VAT1L: variants seen among roughly 807,000 people sequenced by gnomAD.
VAT1L encodes the protein putative NADPH-dependent quinone oxidoreductase VAT1L.
In VAT1L, 34 loss-of-function variants were observed where a neutral mutation model predicts 44.1. The observed-to-expected ratio is 0.77, with a 90% CI of 0.59 to 1.03. VAT1L has a LOEUF of 1.03. VAT1L is among the 50% of genes least tolerant of loss of function. The pLI, the probability that VAT1L is intolerant of heterozygous loss-of-function variation, is 0.00. For missense variants in VAT1L, 615 were observed against 538.8 expected, an observed-to-expected ratio of 1.14 and a Z score of -1.40; for synonymous variants, 253 against 202.2, an observed-to-expected ratio of 1.25 and a Z score of -2.13.
intron 1 of VAT1L, chr16:77,799,918 G>A (rs2016016596): frequency 6.6e-6 from 1 of 152,074 alleles, no homozygotes; most frequent in Non-Finnish European, 1.5e-5. Flanking sequence ...TTCACAGTAG[G>A]CACTCAATAA....
intron 7 of VAT1L, among the ~76,000 whole-genome samples, chr16:77,953,121 C>G (rs1033202051): frequency 7.2e-5 from 11 of 152,230 alleles, no homozygotes; most frequent in Admixed American, 7.2e-4. Flanking sequence ...AGTGATGTGT[C>G]TCCAAGCCAA....
At chr16:77,792,396 G>C (rs1246923481) in intron 1 of VAT1L, among the ~76,000 whole-genome samples, 2 of 152,096 alleles carry the variant, frequency 1.3e-5, no homozygotes, top group African/African-American at 4.8e-5. Context: ...ACCTGACGCA[G>C]GGATCCTTTT....
intron 7 of VAT1L, among the ~76,000 whole-genome samples, chr16:77,916,638 T>C (rs2017555068): frequency 1.3e-5 from 2 of 152,184 alleles, no homozygotes; most frequent in Non-Finnish European, 2.9e-5. Flanking sequence ...AAAATATACA[T>C]AAGAGCGTTT....
chr16:77,828,359 G>A (rs1567480058), intron 3 of VAT1L, among the ~76,000 whole-genome samples: 1 of 152,210 alleles, frequency 6.6e-6, no homozygotes, highest in Non-Finnish European at 1.5e-5. Context: ...GTCATCACAA[G>A]AGTCCTTAAA....
intron 7 of VAT1L, among the ~76,000 whole-genome samples, chr16:77,913,787 A>C (rs1375086768): frequency 1.3e-5 from 2 of 152,220 alleles, no homozygotes; most frequent in East Asian, 3.8e-4. Flanking sequence ...AGATATAAAC[A>C]GTAAGTTTAA....
intron 3 of VAT1L, among the ~76,000 whole-genome samples, chr16:77,857,833 T>C (rs5022247): frequency 0.25 from 36,800 of 145,794 alleles, 4,829 homozygotes; most frequent in East Asian, 0.45. Flanking sequence ...ATATTATCTC[T>C]CTCTTTTTTT....
At chr16:77,866,473 T>C (rs1173841435) in intron 4 of VAT1L, among the ~76,000 whole-genome samples, 1 of 152,034 alleles carries the variant, frequency 6.6e-6, no homozygotes, top group Admixed American at 6.5e-5. Flanking sequence ...TTGTACAAAT[T>C]CTCGGTGCAT....
At chr16:77,843,383 T>A (rs1004829579) in intron 3 of VAT1L, among the ~76,000 whole-genome samples, 1 of 152,040 alleles carries the variant, frequency 6.6e-6, no homozygotes, top group East Asian at 1.9e-4. Flanking sequence ...CTCCCAGATC[T>A]CCAGAGCCCC....
chr16:77,863,578 C>T (rs1190487172), intron 4 of VAT1L, among the ~76,000 whole-genome samples: 1 of 152,074 alleles, frequency 6.6e-6, no homozygotes, highest in African/African-American at 2.4e-5. Context: ...GAAGCATGAG[C>T]CAGAATTATC....
intron 4 of VAT1L, among the ~76,000 whole-genome samples, chr16:77,864,197 G>T (rs776446249): frequency 6.6e-6 from 1 of 152,188 alleles, no homozygotes. Flanking sequence ...CAGAGCTTCC[G>T]AGAGGATTCA....
chr16:77,896,132 T>A (rs1416505004), intron 7 of VAT1L, among the ~76,000 whole-genome samples: 1 of 152,226 alleles, frequency 6.6e-6, no homozygotes, highest in Non-Finnish European at 1.5e-5. Flanking sequence ...TACCCATCCC[T>A]CTGGCCTTAC....
chr16:77,972,351 C>G (rs1282397655), intron 8 of VAT1L, among the ~76,000 whole-genome samples: 1 of 152,074 alleles, frequency 6.6e-6, no homozygotes, highest in East Asian at 1.9e-4. Context: ...GAGTCTTAAA[C>G]TCTGTCACCC....
At chr16:77,894,574 G>A (rs2017301462) in intron 7 of VAT1L, among the ~76,000 whole-genome samples, 1 of 152,078 alleles carries the variant, frequency 6.6e-6, no homozygotes, top group South Asian at 2.1e-4. Flanking sequence ...GAATGGAGAG[G>A]AACTGCTGAT....
intron 4 of VAT1L, among the ~76,000 whole-genome samples, chr16:77,864,626 T>C (rs541411049): frequency 6.6e-6 from 1 of 152,246 alleles, no homozygotes; most frequent in East Asian, 1.9e-4. Flanking sequence ...AACAATTTTC[T>C]TCAAATCACA....
At chr16:77,810,860 G>T (rs557087727) in intron 1 of VAT1L, among the ~76,000 whole-genome samples, 3 of 152,148 alleles carry the variant, frequency 2.0e-5, no homozygotes, top group African/African-American at 4.8e-5. Flanking sequence ...AATATATATT[G>T]TAGCAAATTA....
intron 2 of VAT1L, among the ~76,000 whole-genome samples, chr16:77,819,041 G>T (rs912041523): frequency 1.3e-5 from 2 of 152,098 alleles, no homozygotes; most frequent in East Asian, 3.9e-4. Context: ...AGATGAAGTG[G>T]TTATGTTTTA....
chr16:77,846,227 A>G (rs2016756867), intron 3 of VAT1L, among the ~76,000 whole-genome samples: 1 of 152,210 alleles, frequency 6.6e-6, no homozygotes, highest in Non-Finnish European at 1.5e-5. Flanking sequence ...ATGTAGACAC[A>G]GTTTCATTAC....
At chr16:77,907,285 C>T (rs756963842) in intron 7 of VAT1L, among the ~76,000 whole-genome samples, 2 of 152,186 alleles carry the variant, frequency 1.3e-5, no homozygotes, top group African/African-American at 2.4e-5. Context: ...GCTGACAATA[C>T]GATGGCCTGA....
rs2018357085 is a variant in VAT1L at position 77,977,759 on chromosome 16, T to C, written c.*64T>C. The stretch of plus-strand genomic sequence containing the variant: ...AAGATGAGGACCCGGCTGAGAAAAC[T>C]CTTCTGTGCCCCAGTGAACAAATGC... On this transcript the variant is annotated 3_prime_UTR_variant, in exon 9 of 9. Transcript: ENST00000302536. The C allele has an allele frequency of 3.4e-6, 5 of 1,480,972 alleles. No homozygotes were observed. The highest frequency in any genetic ancestry group is 4.6e-6 in the Non-Finnish European group (5 of 1,075,652). 91.7% of individuals were successfully genotyped at this position (1,480,972 alleles called of 1,614,324 possible).
Sources: gnomAD v4.1 joint callset for allele counts (sites outside exome capture counted in the v4.1 genomes callset) on GRCh38, gnomAD v4.1.1 for gene constraint, MANE v1.5 for transcripts, NCBI Gene and HGNC (gene_info 2026-07-23, HGNC 2026-07-21) for gene names.